OSBP2: variants seen among roughly 807,000 people sequenced by gnomAD.
OSBP2 encodes the protein oxysterol-binding protein 2.
A neutral mutation model predicts 96.0 loss-of-function variants in OSBP2; 66 were observed. That is an observed-to-expected ratio of 0.69 (90% CI 0.56 to 0.84). OSBP2 has a LOEUF of 0.84. Ranked by LOEUF, OSBP2 falls within the 40% of genes least tolerant of loss-of-function variation. The pLI, the probability that OSBP2 is intolerant of heterozygous loss-of-function variation, is 0.00. For missense variants in OSBP2, 1,038 were observed against 1,222.7 expected (o/e 0.85, Z 2.25); for synonymous variants, 525 against 520.9 (o/e 1.01, Z -0.11).
intron 2 of OSBP2, among the ~76,000 whole-genome samples, chr22:30,805,590 A>G (rs1174226038): frequency 6.6e-6 from 1 of 152,204 alleles, no homozygotes; most frequent in Non-Finnish European, 1.5e-5. Flanking sequence ...GTTATTCTAA[A>G]TATTTCTTAC....
At position 30,893,446 on chromosome 22, in the gene OSBP2, C is replaced by A. The variant is rs773273066; in HGVS notation, c.1991-17C>A. On this transcript the variant is annotated splice_polypyrimidine_tract_variant and intron_variant, in intron 9 of 13. Coordinates refer to ENST00000332585, the MANE Select transcript of OSBP2 (RefSeq NM_030758.4). ...TGCATGGGGGGGCATGACCTCTGAC[C>A]TGTCCCCTGCCTCCAGGTGCCATCC... The A allele has an allele frequency of 1.1e-5, 17 of 1,604,738 alleles. No individual in the cohort carries two copies. Among genetic ancestry groups the A allele is most frequent in the Non-Finnish European group, 1.5e-5 (17 of 1,171,460 alleles).
chr22:30,823,071 C>T (rs989384073), intron 2 of OSBP2, among the ~76,000 whole-genome samples: 2 of 152,230 alleles, frequency 1.3e-5, no homozygotes, highest in Admixed American at 6.5e-5. Flanking sequence ...GCCTGGGGTC[C>T]GCATGCCCCT....
chr22:30,887,694 C>T, intron 4 of OSBP2, 76 bp downstream of exon 4: 6 of 1,255,780 alleles, frequency 4.8e-6, no homozygotes, highest in Non-Finnish European at 6.6e-6. Context: ...TCTGCGCCCC[C>T]ACATGCACAT....
chr22:30,830,033 G>A (rs1569141374), intron 2 of OSBP2, among the ~76,000 whole-genome samples: 1 of 152,120 alleles, frequency 6.6e-6, no homozygotes, highest in African/African-American at 2.4e-5. Flanking sequence ...GCTGGAGCTG[G>A]GACTGAGGGG....
At chr22:30,726,668 G>A (rs188986738) in intron 1 of OSBP2, among the ~76,000 whole-genome samples, 246 of 152,236 alleles carry the variant, frequency 1.6e-3, no homozygotes, top group African/African-American at 5.4e-3. Context: ...ATAAATAAAT[G>A]TAGTAATGTG....
At chr22:30,773,529 G>C (rs1045346290) in intron 2 of OSBP2, among the ~76,000 whole-genome samples, 5 of 152,170 alleles carry the variant, frequency 3.3e-5, no homozygotes, top group African/African-American at 1.2e-4. Context: ...TGGGGATTGT[G>C]ACAACTGGCT....
At chr22:30,876,056 C>G (rs2039571960) in intron 3 of OSBP2, among the ~76,000 whole-genome samples, 1 of 152,264 alleles carries the variant, frequency 6.6e-6, no homozygotes, top group Non-Finnish European at 1.5e-5. Flanking sequence ...GGCGGAGAGG[C>G]AGATTCCTGT....
intron 8 of OSBP2, 43 bp from the exon 9 acceptor site, chr22:30,893,079 C>G: frequency 6.2e-7 from 1 of 1,607,192 alleles, no homozygotes; most frequent in Non-Finnish European, 8.5e-7. Flanking sequence ...GGAACCTGGG[C>G]TCATGTCTGG....
At chr22:30,702,663 C>T (rs984179770) in intron 1 of OSBP2, among the ~76,000 whole-genome samples, 2 of 152,090 alleles carry the variant, frequency 1.3e-5, no homozygotes, top group Non-Finnish European at 2.9e-5. Flanking sequence ...AGTACCTTCT[C>T]CTGTGTAAGC....
intron 2 of OSBP2, among the ~76,000 whole-genome samples, chr22:30,765,151 C>T (rs1024945345): frequency 6.6e-6 from 1 of 152,140 alleles, no homozygotes; most frequent in Non-Finnish European, 1.5e-5. Flanking sequence ...GCCTCGGCCT[C>T]CCAAAGTGCT....
At chr22:30,895,443 G>A (rs1311503669) in intron 12 of OSBP2, among the ~76,000 whole-genome samples, 1 of 152,160 alleles carries the variant, frequency 6.6e-6, no homozygotes. Context: ...AATTCTAATA[G>A]CTTCCAGGGA....
chr22:30,723,998 G>A (rs988991040), intron 1 of OSBP2, among the ~76,000 whole-genome samples: 3 of 152,138 alleles, frequency 2.0e-5, no homozygotes, highest in African/African-American at 7.2e-5. Flanking sequence ...ATCATACAGA[G>A]TATTTTCACT....
At chr22:30,785,450 C>G (rs893420493) in intron 2 of OSBP2, among the ~76,000 whole-genome samples, 2 of 151,710 alleles carry the variant, frequency 1.3e-5, no homozygotes, top group African/African-American at 4.8e-5. Flanking sequence ...GCTTGTAATC[C>G]CAGCTACTCA....
intron 3 of OSBP2, among the ~76,000 whole-genome samples, chr22:30,883,510 G>A (rs1403471413): frequency 6.6e-6 from 1 of 152,252 alleles, no homozygotes; most frequent in Admixed American, 6.5e-5. Flanking sequence ...CCATGAACAG[G>A]TGGCTGGAAC....
intron 2 of OSBP2, among the ~76,000 whole-genome samples, chr22:30,829,030 A>C (rs540401444): frequency 1.3e-5 from 2 of 152,274 alleles, no homozygotes; most frequent in East Asian, 3.9e-4. Flanking sequence ...GTGCCACAGC[A>C]TGCCCAGTGA....
At chr22:30,804,229 G>A (rs1027240328) in intron 2 of OSBP2, among the ~76,000 whole-genome samples, 2 of 152,200 alleles carry the variant, frequency 1.3e-5, no homozygotes, top group Non-Finnish European at 2.9e-5. Flanking sequence ...GGTGGAATTA[G>A]TGGGACCATC....
chr22:30,694,162 G>A, upstream of OSBP2: 2 of 1,550,344 alleles, frequency 1.3e-6, no homozygotes, highest in Non-Finnish European at 1.7e-6. Context: ...GATGTTTCTT[G>A]TACTAAAACG....
At chr22:30,815,579 C>T (rs1283158517) in intron 2 of OSBP2, among the ~76,000 whole-genome samples, 4 of 152,220 alleles carry the variant, frequency 2.6e-5, no homozygotes, top group Non-Finnish European at 4.4e-5. Flanking sequence ...CTCACTCCCT[C>T]ACAAACCTCC....
At chr22:30,899,842 A>G (rs2040158196) in intron 12 of OSBP2, among the ~76,000 whole-genome samples, 1 of 152,292 alleles carries the variant, frequency 6.6e-6, no homozygotes, top group Admixed American at 6.5e-5. Flanking sequence ...TAGAAAATCC[A>G]TAGAGTAATC....
Sources: allele counts gnomAD v4.1 joint callset (sites outside exome capture counted in the v4.1 genomes callset), GRCh38; gene constraint gnomAD v4.1.1; transcripts MANE v1.5; gene names NCBI Gene and HGNC (gene_info 2026-07-23, HGNC 2026-07-21).